The following LSAMP variants were observed in gnomAD, a reference collection of about 807,000 sequenced individuals.
LSAMP encodes the protein limbic system-associated membrane protein.
A neutral mutation model predicts 38.6 loss-of-function variants in LSAMP; 7 were observed. That is an observed-to-expected ratio of 0.18 (90% confidence interval 0.10 to 0.34). The LOEUF (loss-of-function observed/expected upper bound fraction) is 0.34. LSAMP is among the 10% of genes least tolerant of loss of function. LSAMP has a pLI of 1.00. For synonymous variants in LSAMP, 154 were observed against 166.8 expected (o/e 0.92, Z 0.59); for missense variants, 313 against 420.0 (o/e 0.75, Z 2.23).
chr3:116,010,252 C>G (rs1245893384), intron 3 of LSAMP, among the ~76,000 whole-genome samples: 6 of 152,152 alleles, frequency 3.9e-5, no homozygotes, highest in African/African-American at 1.4e-4. Context: ...AGGAAATGTC[C>G]TATATTTTAA....
At chr3:115,861,790 A>T (rs1174733219) in intron 3 of LSAMP, among the ~76,000 whole-genome samples, 1 of 152,138 alleles carries the variant, frequency 6.6e-6, no homozygotes, top group Admixed American at 6.5e-5. Context: ...TTCTATAGGT[A>T]CTTGGAAATA....
chr3:115,814,396 G>C (rs772266646), intron 6 of LSAMP, among the ~76,000 whole-genome samples: 2 of 152,170 alleles, frequency 1.3e-5, no homozygotes, highest in Non-Finnish European at 2.9e-5. Flanking sequence ...CTGAAACTGA[G>C]GGATATGAGA....
intron 1 of LSAMP, among the ~76,000 whole-genome samples, chr3:116,206,272 T>C (rs1576431508): frequency 6.7e-6 from 1 of 149,782 alleles, no homozygotes; most frequent in South Asian, 2.1e-4. Flanking sequence ...TTTTTTATTG[T>C]GTCTATTTGA....
intron 1 of LSAMP, among the ~76,000 whole-genome samples, chr3:116,240,095 T>G (rs535196076): frequency 6.6e-6 from 1 of 152,298 alleles, no homozygotes; most frequent in East Asian, 1.9e-4. Flanking sequence ...TATTTTCAAA[T>G]TATACAATTG....
chr3:115,970,521 G>GCT (rs1938981207), intron 3 of LSAMP, among the ~76,000 whole-genome samples: 1 of 152,176 alleles, frequency 6.6e-6, no homozygotes, highest in Non-Finnish European at 1.5e-5. Context: ...GTCTACAAAA[G>GCT]TGAGGGCTCT....
intron 1 of LSAMP, among the ~76,000 whole-genome samples, chr3:116,353,693 A>C (rs1376154929): frequency 2.0e-5 from 3 of 152,112 alleles, no homozygotes; most frequent in Non-Finnish European, 4.4e-5. Flanking sequence ...CAAAGAGTAT[A>C]GGGATATTAT....
intron 3 of LSAMP, among the ~76,000 whole-genome samples, chr3:115,949,068 G>T (rs1259519560): frequency 6.6e-6 from 1 of 152,048 alleles, no homozygotes; most frequent in Non-Finnish European, 1.5e-5. Flanking sequence ...AGGAGTTCGA[G>T]ACCAGCCTGT....
chr3:116,411,004 G>A (rs1035143379), intron 1 of LSAMP, among the ~76,000 whole-genome samples: 2 of 152,018 alleles, frequency 1.3e-5, no homozygotes, highest in African/African-American at 2.4e-5. Flanking sequence ...AAATTTAATC[G>A]TAACAGTATT....
At chr3:116,027,651 C>A (rs1233408282) in intron 2 of LSAMP, among the ~76,000 whole-genome samples, 2 of 152,114 alleles carry the variant, frequency 1.3e-5, no homozygotes, top group Non-Finnish European at 2.9e-5. Flanking sequence ...AGCTTTGTTG[C>A]ACGTTAAGCA....
chr3:116,280,503 A>G (rs957511692), intron 1 of LSAMP, among the ~76,000 whole-genome samples: 1 of 152,248 alleles, frequency 6.6e-6, no homozygotes, highest in East Asian at 1.9e-4. Context: ...GCGGGTCAGG[A>G]TTCAATCAAC....
At chr3:115,904,885 G>T (rs918688167) in intron 3 of LSAMP, among the ~76,000 whole-genome samples, 10 of 152,052 alleles carry the variant, frequency 6.6e-5, no homozygotes, top group Admixed American at 6.6e-4. Context: ...TCAAAACTAG[G>T]TTTTGTTGGT....
At chr3:115,903,572 C>G (rs375292606) in intron 3 of LSAMP, among the ~76,000 whole-genome samples, 1 of 152,160 alleles carries the variant, frequency 6.6e-6, no homozygotes, top group East Asian at 1.9e-4. Context: ...AGAACCCTCA[C>G]AGGAGGATGG....
chr3:116,143,334 T>C (rs895217118), intron 1 of LSAMP, among the ~76,000 whole-genome samples: 6 of 151,770 alleles, frequency 4.0e-5, no homozygotes, highest in African/African-American at 1.4e-4. Flanking sequence ...TTTGACACTC[T>C]TATGTTTTAA....
intron 1 of LSAMP, among the ~76,000 whole-genome samples, chr3:116,347,212 AT>A (rs2048075435): frequency 6.6e-6 from 1 of 152,162 alleles, no homozygotes; most frequent in Admixed American, 6.5e-5. Context: ...CCTTCCTTCT[AT>A]TCACTCTTTA....
intron 1 of LSAMP, among the ~76,000 whole-genome samples, chr3:116,172,847 G>C (rs1710236111): frequency 6.6e-6 from 1 of 151,902 alleles, no homozygotes; most frequent in South Asian, 2.1e-4. Context: ...ACTTATATTG[G>C]CATTGTTGAG....
intron 1 of LSAMP, among the ~76,000 whole-genome samples, chr3:116,135,707 G>T (rs1220152218): frequency 6.6e-6 from 1 of 152,160 alleles, no homozygotes; most frequent in Non-Finnish European, 1.5e-5. Context: ...ACAACCAGAA[G>T]CCTAAACTTT....
chr3:116,219,721 G>A (rs79052964), intron 1 of LSAMP, among the ~76,000 whole-genome samples: 1 of 152,172 alleles, frequency 6.6e-6, no homozygotes, highest in African/African-American at 2.4e-5. Flanking sequence ...CCATATACCT[G>A]ATAAGGGGAT....
intron 1 of LSAMP, among the ~76,000 whole-genome samples, chr3:116,225,964 T>C (rs566123622): frequency 6.6e-6 from 1 of 152,226 alleles, no homozygotes; most frequent in Non-Finnish European, 1.5e-5. Flanking sequence ...TGGCTCTTTT[T>C]GCAACTTATG....
At chr3:115,894,169 G>C (rs1936672455) in intron 3 of LSAMP, among the ~76,000 whole-genome samples, 1 of 151,996 alleles carries the variant, frequency 6.6e-6, no homozygotes, top group African/African-American at 2.4e-5. Flanking sequence ...TAGCCTGGTT[G>C]GACAAAAGTC....
Sources: allele counts gnomAD v4.1 joint callset (sites outside exome capture counted in the v4.1 genomes callset), GRCh38; gene constraint gnomAD v4.1.1; transcripts MANE v1.5; gene names NCBI Gene and HGNC (gene_info 2026-07-23, HGNC 2026-07-21).